FKBP11: variants seen among roughly 807,000 people sequenced by gnomAD.
FKBP11 encodes peptidyl-prolyl cis-trans isomerase FKBP11.
A neutral mutation model predicts 24.7 loss-of-function variants in FKBP11; 21 were observed. The observed-to-expected ratio is 0.85, with a 90% confidence interval of 0.60 to 1.23. The LOEUF is 1.23. FKBP11 is among the 50% of genes most tolerant of loss of function. The probability of loss-of-function intolerance (pLI) is 0.00; values close to 1 mark genes in which losing one functional copy is unlikely to be tolerated. For missense variants in FKBP11, 245 were observed against 248.7 expected (o/e 0.99, Z 0.10); for synonymous variants, 106 against 100.6 (o/e 1.05, Z -0.32).
chr12:48,924,379 C>A, intron 3 of FKBP11, 123 bp from the exon 4 acceptor site: 1 of 1,334,656 alleles, frequency 7.5e-7, no homozygotes, highest in Non-Finnish European at 1.1e-6. Context: ...AAATCTCTGG[C>A]TTCCAATAGG....
upstream of FKBP11, chr12:48,926,157 C>G (rs1210522391): frequency 6.6e-6 from 1 of 151,644 alleles, no homozygotes; most frequent in Admixed American, 6.6e-5. Flanking sequence ...GCTACTATTT[C>G]CTTTCTCCTT....
upstream of FKBP11, among the ~76,000 whole-genome samples, chr12:48,931,160 G>T (rs1212582247): frequency 3.9e-5 from 3 of 77,212 alleles, no homozygotes; most frequent in South Asian, 3.3e-4. Flanking sequence ...AAAAAAAAAG[G>T]CTAGTTGTGA....
rs767886265 is a variant in FKBP11, at chr12:48,924,268, A to G, written c.284-12T>C. ...ACTCTGCTCCAGACCTTGAAGAAGA[A>G]GACACAACTGAACTGGAAGCTATCC... On this transcript the variant is annotated splice_polypyrimidine_tract_variant and intron_variant, in intron 3 of 5. Transcript: ENST00000550765. 6.2e-7 allele frequency: 1 copy of G among 1,614,174 alleles called. No homozygotes were observed. Among genetic ancestry groups the G allele is most frequent in the Admixed American group, 1.7e-5 (1 of 60,028 alleles).
upstream of FKBP11, chr12:48,925,503 C>A: frequency 6.7e-7 from 1 of 1,497,948 alleles, no homozygotes; most frequent in South Asian, 1.3e-5. Flanking sequence ...AGCGTTCCCG[C>A]GGCGCCCAGG....
Position 48,925,451 on chromosome 12 carries a change from C to T in FKBP11, c.-23G>A, listed in dbSNP as rs1044236541. The T allele has an allele frequency of 3.2e-6, 5 of 1,547,472 alleles. No individual in the cohort carries two copies. Among genetic ancestry groups the T allele is most frequent in the Non-Finnish European group, 4.4e-6 (5 of 1,147,810 alleles). On this transcript the variant is annotated 5_prime_UTR_variant, in exon 1 of 6. Transcript: ENST00000550765. ...CATGACTGGGCGCGGGGCAGGGAGC[C>T]GGGGCACCAGGACAGGCTGTTCGGG... is the stretch of plus-strand genomic sequence containing the variant.
chr12:48,938,488 G>A, the FKBP11 span: 1 of 447,906 alleles, frequency 2.2e-6, no homozygotes, highest in South Asian at 1.6e-5. Context: ...GCGCACACAT[G>A]CACGCAAACA....
chr12:48,923,958 A>C, intron 4 of FKBP11, 106 bp from the exon 5 acceptor site: 1 of 1,195,278 alleles, frequency 8.4e-7, no homozygotes, highest in Non-Finnish European at 1.3e-6. Context: ...TCACACCCAA[A>C]ACACGAATTT....
At chr12:48,933,638 T>C in the FKBP11 span, among the ~76,000 whole-genome samples, 2 of 150,454 alleles carry the variant, frequency 1.3e-5, no homozygotes, top group South Asian at 2.1e-4. Context: ...GAGGCAGAGG[T>C]TGCAGTGAGC....
upstream of FKBP11, among the ~76,000 whole-genome samples, chr12:48,927,932 GAA>G (rs371090821): frequency 2.1e-4 from 31 of 144,694 alleles, no homozygotes; most frequent in Admixed American, 2.7e-4. Flanking sequence ...CTTTGTGGGG[GAA>G]AAAAAAAAGA....
chr12:48,932,901 A>T, the FKBP11 span, among the ~76,000 whole-genome samples: 1 of 152,150 alleles, frequency 6.6e-6, no homozygotes, highest in Non-Finnish European at 1.5e-5. Context: ...AAGGAAGGGT[A>T]CATGGGTAGA....
intron 1 of FKBP11, 84 bp downstream of exon 1, chr12:48,925,216 G>T (rs540792153): frequency 1.3e-6 from 2 of 1,585,980 alleles, no homozygotes; most frequent in African/African-American, 1.3e-5. Context: ...CTCTCCTCCC[G>T]GCTCCCAGGT....
At chr12:48,932,164 T>TAAAA in the FKBP11 span, among the ~76,000 whole-genome samples, 327 of 94,614 alleles carry the variant, frequency 3.5e-3, 2 homozygotes, top group Middle Eastern at 6.2e-3. Context: ...TAAATAAAAG[T>TAAAA]AAAAATATAT....
chr12:48,922,505 C>T, intron 5 of FKBP11: 1 of 1,006,350 alleles, frequency 9.9e-7, no homozygotes, highest in Non-Finnish European at 1.2e-6. Flanking sequence ...GTGGGAGAAC[C>T]CTCTATACTA....
At chr12:48,932,801 GCGGACAAGC>G in the FKBP11 span, among the ~76,000 whole-genome samples, 11 of 152,144 alleles carry the variant, frequency 7.2e-5, no homozygotes, top group Admixed American at 6.5e-4. Flanking sequence ...CAGGTGCCAG[GCGGACAAGC>G]CCATTCTCAA....
chr12:48,927,162 TC>T (rs1269015438), upstream of FKBP11, among the ~76,000 whole-genome samples: 2 of 152,180 alleles, frequency 1.3e-5, no homozygotes, highest in African/African-American at 2.4e-5. Context: ...CTAGACTTCC[TC>T]CCTATCTCCT....
the FKBP11 span, chr12:48,938,611 C>T: frequency 2.2e-6 from 1 of 450,530 alleles, no homozygotes; most frequent in South Asian, 1.6e-5. Flanking sequence ...GCCAAGAGGA[C>T]AGCAACCACT....
intron 3 of FKBP11, 75 bp from the exon 4 acceptor site, chr12:48,924,331 TC>T: frequency 6.4e-7 from 1 of 1,557,188 alleles, no homozygotes; most frequent in South Asian, 1.1e-5. Flanking sequence ...ATCAAAGTCT[TC>T]CTCCTCCATC....
upstream of FKBP11, chr12:48,925,665 T>C (rs998235211): frequency 1.7e-6 from 1 of 578,646 alleles, no homozygotes; most frequent in African/African-American, 1.9e-5. Context: ...GACGCATCCG[T>C]TAGACGTTCT....
chr12:48,924,706 C>A (rs991540272), intron 2 of FKBP11, 58 bp from the exon 3 acceptor site: 1 of 1,589,640 alleles, frequency 6.3e-7, no homozygotes, highest in Non-Finnish European at 8.6e-7. Flanking sequence ...CCAGCAGGCG[C>A]GCAACACACA....
Sources: allele counts gnomAD v4.1 joint callset (sites outside exome capture counted in the v4.1 genomes callset), GRCh38; gene constraint gnomAD v4.1.1; transcripts MANE v1.5; gene names NCBI Gene and HGNC (gene_info 2026-07-23, HGNC 2026-07-21).